The following DENR variants were observed in gnomAD, a reference collection of about 807,000 sequenced individuals.
The protein encoded by DENR is density regulated re-initiation and release factor, also known as density-regulated protein.
DENR carries 6 observed loss-of-function variants against 30.6 expected under a neutral mutation model. The observed-to-expected ratio is 0.20, with a 90% CI of 0.11 to 0.39. DENR has a LOEUF of 0.39. Among genes scored for constraint, DENR ranks in the 10% least tolerant of loss-of-function variants. The pLI is 1.00. For synonymous variants in DENR, 78 were observed against 72.1 expected, an observed-to-expected ratio of 1.08 and a Z score of -0.41; for missense variants, 141 against 230.9, an observed-to-expected ratio of 0.61 and a Z score of 2.52.
chr12:122,770,578 C>T lies in DENR; in HGVS notation c.*1500C>T, dbSNP rs1879009544. 2 of 398,398 alleles carry T rather than the reference C, an allele frequency of 5.0e-6. No homozygotes were observed. The highest frequency in any genetic ancestry group is 8.8e-6 in the Non-Finnish European group (2 of 226,014). 24.7% of individuals were successfully genotyped at this position (398,398 alleles called of 1,614,324 possible). ...AAATAGCAATTGAAACATGTCTTCTCACAAGAGAAAATGACAGTTTTAATG... is the reference window on the plus strand; with the variant it reads ...AAATAGCAATTGAAACATGTCTTCTTACAAGAGAAAATGACAGTTTTAATG... On this transcript the variant is annotated 3_prime_UTR_variant, in exon 8 of 8. Coordinates refer to ENST00000280557, the MANE Select transcript of DENR (RefSeq NM_003677.5).
chr12:122,752,843 G>A lies in DENR; in HGVS notation c.-117G>A, dbSNP rs2135506172. On this transcript the variant is annotated 5_prime_UTR_variant, in exon 1 of 8. Transcript: ENST00000280557. Reference sequence around the variant, plus strand: ...CTCATTGTCTCGCGGGAGCGCTGCTGGCGGTCGGGCGCTCGGGCGGCCCTG... The same window carrying A: ...CTCATTGTCTCGCGGGAGCGCTGCTAGCGGTCGGGCGCTCGGGCGGCCCTG... 1 of 152,558 alleles carries A rather than the reference G, an allele frequency of 6.6e-6. No individual in the cohort carries two copies. The highest frequency in any genetic ancestry group is 1.9e-4 in the East Asian group (1 of 5,192). The allele number at this position is 152,558 out of a possible 1,614,324, so 9.5% of individuals were successfully genotyped here.
Position 122,769,563 on chromosome 12 carries a change from G to T in DENR, c.*485G>T. The T allele has an allele frequency of 1.2e-6, 1 of 833,834 alleles. No individual in the cohort carries two copies. The highest frequency in any genetic ancestry group is 1.5e-6 in the Non-Finnish European group (1 of 679,388). 51.7% of individuals were successfully genotyped at this position (833,834 alleles called of 1,614,324 possible). ...GCACTGTTGCCTGGGCTGGAATGCA[G>T]TGGTGCGATCTCGGCTCACTGCAAC... On this transcript the variant is annotated 3_prime_UTR_variant, in exon 8 of 8. Coordinates refer to ENST00000280557, the MANE Select transcript of DENR (RefSeq NM_003677.5).
intron 2 of DENR, among the ~76,000 whole-genome samples, chr12:122,757,401 TGTATACTAGAG>T (rs1191984871): frequency 6.6e-6 from 1 of 152,182 alleles, no homozygotes; most frequent in Non-Finnish European, 1.5e-5. Flanking sequence ...ATGTACTAAT[TGTATACTAGAG>T]GGGTGAGCAG....
At chr12:122,767,381 G>A (rs569348281) in intron 5 of DENR, 107 bp from the exon 6 acceptor site, 1 of 700,004 alleles carries the variant, frequency 1.4e-6, no homozygotes, top group Non-Finnish European at 2.3e-6. Flanking sequence ...AGTAATTTTT[G>A]TATTAGAGAA....
intron 2 of DENR, among the ~76,000 whole-genome samples, chr12:122,761,494 A>C (rs936199576): frequency 2.0e-5 from 3 of 152,184 alleles, no homozygotes; most frequent in African/African-American, 7.2e-5. Flanking sequence ...AGTATGAATA[A>C]AAAGTGGTGG....
At chr12:122,763,655 G>A (rs1215088932) in intron 4 of DENR, among the ~76,000 whole-genome samples, 1 of 151,984 alleles carries the variant, frequency 6.6e-6, no homozygotes, top group Non-Finnish European at 1.5e-5. Flanking sequence ...GAGCCGAGAT[G>A]GCACCATTGC....
At chr12:122,764,634 A>G (rs1475056635) in intron 4 of DENR, among the ~76,000 whole-genome samples, 1 of 152,180 alleles carries the variant, frequency 6.6e-6, no homozygotes, top group African/African-American at 2.4e-5. Context: ...AGAGGTGGGA[A>G]GACTATGGAG....
At position 122,770,522 on chromosome 12, in the gene DENR, C is replaced by CTG. The variant is rs748190836; in HGVS notation, c.*1446_*1447dup. On this transcript the variant is annotated 3_prime_UTR_variant, in exon 8 of 8. Transcript: ENST00000280557. The stretch of plus-strand genomic sequence containing the variant: ...AAATTGTGCTAACCAGTTAAAAGTA[C>CTG]TGTACACCCATGCTCAATATATAGT... 146 of 397,654 alleles carry CTG rather than the reference C, an allele frequency of 3.7e-4. No homozygotes were observed. The highest frequency in any genetic ancestry group is 1.4e-3 in the Admixed American group (31 of 22,710). 24.6% of individuals were successfully genotyped at this position (397,654 alleles called of 1,614,324 possible).
At chr12:122,766,529 G>A (rs78986312) in intron 5 of DENR, among the ~76,000 whole-genome samples, 9,607 of 152,188 alleles carry the variant, frequency 0.063, 1,046 homozygotes, top group African/African-American at 0.22. Flanking sequence ...TCTGGCCTGT[G>A]TCTCTAGCCT....
chr12:122,755,602 A>T (rs2135507687), intron 2 of DENR, among the ~76,000 whole-genome samples: 1 of 152,320 alleles, frequency 6.6e-6, no homozygotes, highest in Admixed American at 6.5e-5. Context: ...AAAACTAAGG[A>T]TGTGAGAAAA....
At chr12:122,768,638 T>C in intron 6 of DENR, 144 bp from the exon 7 acceptor site, 1 of 711,952 alleles carries the variant, frequency 1.4e-6, no homozygotes, top group Non-Finnish European at 2.2e-6. Context: ...ATCTCTGTGG[T>C]AGTTTGTATT....
Position 122,758,839 on chromosome 12 carries a change from A to AT in DENR, c.107-3342dup, listed in dbSNP as rs1326385469. On this transcript the variant is annotated intron_variant, in intron 2 of 7. Transcript: ENST00000280557. ...AAAGAAGCTGGAGTCTAGAGGCTTA[A>AT]TTTTTTATTTATTTATTTTTTTTTT... Among the ~76,000 whole-genome samples the AT allele has an allele frequency of 9.5e-3, 1,031 of 108,870 alleles. 18 individuals carry two copies. The highest frequency in any genetic ancestry group is 0.035 in the African/African-American group (847 of 23,870). The allele number at this position is 108,870 out of a possible 152,430, so 71.4% of individuals were successfully genotyped here. A position where few individuals can be genotyped will look rare whatever the true frequency, so the allele number is the denominator to read the frequency against.
chr12:122,768,105 T>G (rs1878894889), intron 6 of DENR: 1 of 152,748 alleles, frequency 6.5e-6, no homozygotes, highest in Admixed American at 6.5e-5. Context: ...AATAGGCTGG[T>G]CTGAGTACAG....
rs149239457 is a variant in DENR, at chr12:122,761,786, G to C, written c.107-401G>C. ...GCCATGATTGCACCACTGCACCCCAGCCTGGGCAACAGAGTGAGACCGTGT... is the reference window on the plus strand; with the variant it reads ...GCCATGATTGCACCACTGCACCCCACCCTGGGCAACAGAGTGAGACCGTGT... On this transcript the variant is annotated intron_variant, in intron 2 of 7. Transcript: ENST00000280557. Among the ~76,000 whole-genome samples the C allele has an allele frequency of 1.6e-3, 251 of 152,328 alleles. 1 individual carries two copies. Among genetic ancestry groups the C allele is most frequent in the African/African-American group, 5.8e-3 (242 of 41,578 alleles).
Position 122,768,171 on chromosome 12 carries a change from A to G in DENR, c.412+567A>G, listed in dbSNP as rs1878897403. 5 of 152,104 alleles carry G rather than the reference A, an allele frequency of 3.3e-5. No individual in the cohort carries two copies. The Admixed American group carries it at 3.3e-4, about 10-fold the overall frequency. The allele number at this position is 152,104 out of a possible 1,614,324, so 9.4% of individuals were successfully genotyped here. On this transcript the variant is annotated intron_variant, in intron 6 of 7. Coordinates refer to ENST00000280557, the MANE Select transcript of DENR (RefSeq NM_003677.5). Reference sequence around the variant, plus strand: ...TTACATATTTCTTTGTTCCTTCTTTACTCCCACTGCTTCACTTGACTAGCC... The same window carrying G: ...TTACATATTTCTTTGTTCCTTCTTTGCTCCCACTGCTTCACTTGACTAGCC...
At chr12:122,754,018 C>T (rs1473758128) in intron 2 of DENR, 6 of 585,414 alleles carry the variant, frequency 1.0e-5, no homozygotes, top group Non-Finnish European at 1.8e-5. Context: ...AAGAAGCTTA[C>T]AGTCCATTTG....
chr12:122,767,229 T>C (rs1336076314), intron 5 of DENR, among the ~76,000 whole-genome samples: 1 of 152,236 alleles, frequency 6.6e-6, no homozygotes, highest in African/African-American at 2.4e-5. Flanking sequence ...GTAACTTCTT[T>C]TTTTACTCCC....
chr12:122,768,816 T>A lies in DENR; in HGVS notation c.447T>A (p.Ala149=). Residue 149 remains alanine, a synonymous_variant, in exon 7 of 8, where the codon GCT becomes GCA. Coordinates refer to ENST00000280557, the MANE Select transcript of DENR (RefSeq NM_003677.5). ...IDLKEAQRFF[A]QKFSCGASVT... is the part of the protein sequence containing the mutation. ...TTAAAGAAGCACAAAGATTTTTTGCTCAAAAATTCTCCTGTGGTGCCTCAG... is the reference window on the plus strand; with the variant it reads ...TTAAAGAAGCACAAAGATTTTTTGCACAAAAATTCTCCTGTGGTGCCTCAG... The A allele has an allele frequency of 6.3e-7, 1 of 1,593,414 alleles. No individual in the cohort carries two copies. Among genetic ancestry groups the A allele is most frequent in the East Asian group, 2.2e-5 (1 of 44,576 alleles).
chr12:122,770,893 T>G lies in DENR; in HGVS notation c.*1815T>G. 2.5e-6 allele frequency: 1 copy of G among 395,550 alleles called. No homozygotes were observed. Among genetic ancestry groups the G allele is most frequent in the Non-Finnish European group, 4.4e-6 (1 of 224,772 alleles). 24.5% of individuals were successfully genotyped at this position (395,550 alleles called of 1,614,324 possible). A position where few individuals can be genotyped will look rare whatever the true frequency, so the allele number is the denominator to read the frequency against. ...CATCGAGACTATCTGGTATGCGTTATGTATGTAGTCTGTTGCTGCTGAAAG... is the reference window on the plus strand; with the variant it reads ...CATCGAGACTATCTGGTATGCGTTAGGTATGTAGTCTGTTGCTGCTGAAAG... On this transcript the variant is annotated 3_prime_UTR_variant, in exon 8 of 8. Coordinates refer to ENST00000280557, the MANE Select transcript of DENR (RefSeq NM_003677.5).
Sources: allele counts gnomAD v4.1 joint callset (sites outside exome capture counted in the v4.1 genomes callset), GRCh38; gene constraint gnomAD v4.1.1; transcripts MANE v1.5; gene names NCBI Gene and HGNC (gene_info 2026-07-23, HGNC 2026-07-21).